Variants in EXOC4 observed in about 807,000 individuals in gnomAD.
EXOC4 encodes the protein exocyst complex component 4.
EXOC4 carries 71 observed loss-of-function variants against 107.2 expected under a neutral mutation model. That is an observed-to-expected ratio of 0.66 (90% CI 0.55 to 0.81). The LOEUF is 0.81. Ranked by LOEUF, EXOC4 falls within the 30% of genes least tolerant of loss-of-function variation. The pLI is 0.00. For synonymous variants in EXOC4, 456 were observed against 441.2 expected (o/e 1.03, Z -0.42); for missense variants, 1,108 against 1,189.6 (o/e 0.93, Z 1.01).
At chr7:133,590,174 T>A (rs1801507504) in intron 9 of EXOC4, among the ~76,000 whole-genome samples, 1 of 152,148 alleles carries the variant, frequency 6.6e-6, no homozygotes, top group Admixed American at 6.6e-5. Flanking sequence ...CCTGGTCCGT[T>A]GTGGGCATGC....
chr7:133,789,128 G>A (rs1796651078), intron 10 of EXOC4, among the ~76,000 whole-genome samples: 1 of 152,108 alleles, frequency 6.6e-6, no homozygotes, highest in Admixed American at 6.5e-5. Context: ...GTAGATTATG[G>A]CACTTCGTCA....
intron 9 of EXOC4, among the ~76,000 whole-genome samples, chr7:133,488,590 G>GA (rs1227927773): frequency 1.3e-5 from 2 of 151,894 alleles, no homozygotes; most frequent in African/African-American, 2.4e-5. Context: ...ATGCATATAG[G>GA]AAAAAAACAA....
At chr7:133,899,838 C>T (rs762729003) in intron 12 of EXOC4, among the ~76,000 whole-genome samples, 5 of 150,748 alleles carry the variant, frequency 3.3e-5, no homozygotes, top group Admixed American at 6.6e-5. Flanking sequence ...CTCTGCCTCC[C>T]GGGTTCAAGT....
intron 10 of EXOC4, among the ~76,000 whole-genome samples, chr7:133,765,687 C>T (rs370985810): frequency 6.6e-6 from 1 of 151,956 alleles, no homozygotes; most frequent in Non-Finnish European, 1.5e-5. Context: ...CTGCATTAAT[C>T]GCCTTCCTTT....
chr7:134,013,743 T>C (rs1794827314), intron 17 of EXOC4, among the ~76,000 whole-genome samples: 1 of 152,144 alleles, frequency 6.6e-6, no homozygotes, highest in South Asian at 2.1e-4. Flanking sequence ...ATTTATCCAA[T>C]GAAAATATAC....
intron 17 of EXOC4, among the ~76,000 whole-genome samples, chr7:134,042,094 C>T (rs1284936920): frequency 1.3e-5 from 2 of 152,006 alleles, no homozygotes; most frequent in East Asian, 1.9e-4. Context: ...GCTCAGCGAG[C>T]GCCTGCCACA....
chr7:133,457,285 A>G (rs1798485427), intron 7 of EXOC4, among the ~76,000 whole-genome samples: 1 of 152,146 alleles, frequency 6.6e-6, no homozygotes, highest in Non-Finnish European at 1.5e-5. Flanking sequence ...AATGGTTGAT[A>G]AGAGGTTGTT....
chr7:133,279,624 TC>T (rs1794084384), intron 2 of EXOC4, among the ~76,000 whole-genome samples: 1 of 152,170 alleles, frequency 6.6e-6, no homozygotes. Flanking sequence ...ACTCAGGTGA[TC>T]CTCTTGCCTT....
intron 9 of EXOC4, among the ~76,000 whole-genome samples, chr7:133,559,014 T>A (rs1384308062): frequency 6.6e-6 from 1 of 152,222 alleles, no homozygotes; most frequent in Non-Finnish European, 1.5e-5. Flanking sequence ...CTTCTCAGGT[T>A]TATGATTTTA....
chr7:133,554,355 C>T (rs1800652639), intron 9 of EXOC4, among the ~76,000 whole-genome samples: 1 of 152,050 alleles, frequency 6.6e-6, no homozygotes. Context: ...TTCTAAGTTC[C>T]TAAGCTCTTT....
the EXOC4 span, among the ~76,000 whole-genome samples, chr7:134,089,135 A>C: frequency 6.6e-6 from 1 of 152,204 alleles, no homozygotes; most frequent in Non-Finnish European, 1.5e-5. Context: ...TTTACAGAAA[A>C]ACTGAGTAAT....
intron 11 of EXOC4, among the ~76,000 whole-genome samples, chr7:133,877,302 A>G (rs1798870658): frequency 6.6e-6 from 1 of 151,880 alleles, no homozygotes; most frequent in Non-Finnish European, 1.5e-5. Flanking sequence ...ATATTTTCCA[A>G]CTTATTTCCA....
chr7:133,801,161 C>T (rs1013553002), intron 10 of EXOC4, among the ~76,000 whole-genome samples: 9 of 152,050 alleles, frequency 5.9e-5, no homozygotes, highest in Admixed American at 2.0e-4. Context: ...TATCGGGAAA[C>T]GAGCCATGTA....
intron 5 of EXOC4, among the ~76,000 whole-genome samples, chr7:133,341,169 C>T (rs1685570): frequency 0.65 from 98,933 of 151,972 alleles, 34,795 homozygotes; most frequent in East Asian, 0.84. Context: ...AGGTGTTCAA[C>T]GCTATGAAAT....
rs1425123147 is a variant in EXOC4, at chr7:133,445,654, A to G, written c.1183-29674A>G. Among the ~76,000 whole-genome samples the G allele has an allele frequency of 4.6e-5, 7 of 151,904 alleles. No homozygotes were observed. In the South Asian group the frequency reaches 8.3e-4, roughly 18 times the overall value. ...AACAAACAAACAAACAAATAAATCA[A>G]CCTCTCCTGGTAATTCTAATGTGCA... is the stretch of plus-strand genomic sequence containing the variant. On this transcript the variant is annotated intron_variant, in intron 7 of 17. Coordinates refer to ENST00000253861, the MANE Select transcript of EXOC4 (RefSeq NM_021807.4).
At chr7:133,604,150 A>G (rs954984407) in intron 9 of EXOC4, among the ~76,000 whole-genome samples, 4 of 152,150 alleles carry the variant, frequency 2.6e-5, no homozygotes, top group Non-Finnish European at 4.4e-5. Context: ...TTCAGGGACA[A>G]TATCATGCAT....
At chr7:133,503,625 G>A (rs940276836) in intron 9 of EXOC4, among the ~76,000 whole-genome samples, 1 of 152,170 alleles carries the variant, frequency 6.6e-6, no homozygotes, top group Non-Finnish European at 1.5e-5. Flanking sequence ...TCAGTTATCA[G>A]TGCTGATCTT....
intron 11 of EXOC4, among the ~76,000 whole-genome samples, chr7:133,870,693 C>T (rs1798733008): frequency 6.6e-6 from 1 of 152,262 alleles, no homozygotes; most frequent in East Asian, 1.9e-4. Context: ...GGGTAGGTGG[C>T]AAGGTTGTTT....
chr7:133,474,339 G>A (rs1027987894), intron 7 of EXOC4, among the ~76,000 whole-genome samples: 3 of 151,938 alleles, frequency 2.0e-5, no homozygotes, highest in Non-Finnish European at 4.4e-5. Flanking sequence ...TTTTTGAGAC[G>A]GAGTCTCACC....
Sources: gnomAD v4.1 joint callset for allele counts (sites outside exome capture counted in the v4.1 genomes callset) on GRCh38, gnomAD v4.1.1 for gene constraint, MANE v1.5 for transcripts, NCBI Gene and HGNC (gene_info 2026-07-23, HGNC 2026-07-21) for gene names.